Variants in GABRB3 observed in about 807,000 individuals in gnomAD.
GABRB3 encodes gamma-aminobutyric acid type A receptor subunit beta3, also known as gamma-aminobutyric acid receptor subunit beta-3.
GABRB3 carries 14 observed loss-of-function variants against 52.1 expected under a neutral mutation model. That is an observed-to-expected ratio of 0.27 (90% CI 0.18 to 0.42). The LOEUF is 0.42. Ranked by LOEUF, GABRB3 falls within the 10% of genes least tolerant of loss-of-function variation. The pLI is 1.00. For missense variants in GABRB3, 307 were observed against 609.1 expected (o/e 0.50, Z 5.22); for synonymous variants, 260 against 232.3 (o/e 1.12, Z -1.08).
intron 3 of GABRB3, among the ~76,000 whole-genome samples, chr15:26,627,148 C>T (rs1177480078): frequency 5.9e-5 from 9 of 151,980 alleles, no homozygotes; most frequent in African/African-American, 2.2e-4. Context: ...AACAATAAAA[C>T]CTGGGTGTCA....
At chr15:26,691,766 GAGAAAACAA>G (rs1056265973) in intron 3 of GABRB3, among the ~76,000 whole-genome samples, 73 of 151,504 alleles carry the variant, frequency 4.8e-4, no homozygotes, top group African/African-American at 1.3e-3. Context: ...TCAACAAGTT[GAGAAAACAA>G]AGAAAACAAA....
chr15:26,696,002 C>G (rs1384150499), intron 3 of GABRB3, among the ~76,000 whole-genome samples: 2 of 152,180 alleles, frequency 1.3e-5, no homozygotes, highest in Non-Finnish European at 2.9e-5. Flanking sequence ...GTAAATTCTA[C>G]ATGGGGAACC....
chr15:26,739,686 T>C (rs1189523598), intron 3 of GABRB3, among the ~76,000 whole-genome samples: 1 of 152,156 alleles, frequency 6.6e-6, no homozygotes, highest in Non-Finnish European at 1.5e-5. Context: ...AAAAGATTTT[T>C]ATTGATACAT....
intron 4 of GABRB3, among the ~76,000 whole-genome samples, chr15:26,596,032 C>T (rs1250648063): frequency 6.6e-6 from 1 of 152,076 alleles, no homozygotes; most frequent in East Asian, 1.9e-4. Flanking sequence ...TTTAGCCTCT[C>T]AGCTTCCTCA....
chr15:26,625,488 T>A lies in GABRB3; in HGVS notation c.241-3954A>T. 5 of 985,278 alleles carry A rather than the reference T, an allele frequency of 5.1e-6. 1 individual carries two copies. In the South Asian group the frequency reaches 2.3e-4, roughly 46 times the overall value. 61.0% of individuals were successfully genotyped at this position (985,278 alleles called of 1,614,324 possible). On this transcript the variant is annotated intron_variant, in intron 3 of 8. Coordinates refer to ENST00000311550, the MANE Select transcript of GABRB3 (RefSeq NM_000814.6). ...AGAGCACAGTCACAAAGAGATGGAA[T>A]TTGCATGGGATGGAGAGTCTGTCAG...
chr15:26,570,407 G>C (rs149451335), intron 6 of GABRB3, among the ~76,000 whole-genome samples: 2 of 152,158 alleles, frequency 1.3e-5, no homozygotes, highest in Non-Finnish European at 2.9e-5. Context: ...CCCTCCTCGC[G>C]GGCCTCGCCC....
intron 3 of GABRB3, among the ~76,000 whole-genome samples, chr15:26,660,087 A>G (rs1887492574): frequency 2.0e-5 from 3 of 152,020 alleles, no homozygotes; most frequent in Non-Finnish European, 4.4e-5. Context: ...AAAATTAGCC[A>G]GGCATGGTGG....
intron 4 of GABRB3, among the ~76,000 whole-genome samples, chr15:26,595,341 G>A (rs998815817): frequency 6.6e-6 from 1 of 152,122 alleles, no homozygotes; most frequent in African/African-American, 2.4e-5. Context: ...TGCTCCCTCT[G>A]GTAGGAGAGG....
intron 3 of GABRB3, chr15:26,624,360 CT>C: frequency 1.0e-6 from 1 of 985,494 alleles, no homozygotes; most frequent in Non-Finnish European, 1.2e-6. Flanking sequence ...TCACTTGTTT[CT>C]TTCTTTACTC....
intron 3 of GABRB3, among the ~76,000 whole-genome samples, chr15:26,648,875 G>A (rs1887101290): frequency 6.6e-6 from 1 of 152,166 alleles, no homozygotes; most frequent in African/African-American, 2.4e-5. Context: ...GGTGCCTTCA[G>A]AATGTGGATG....
chr15:26,589,412 G>C (rs1891110201), intron 4 of GABRB3, among the ~76,000 whole-genome samples: 1 of 152,160 alleles, frequency 6.6e-6, no homozygotes, highest in African/African-American at 2.4e-5. Flanking sequence ...TTCATGCTTA[G>C]AGTGAATCCA....
intron 7 of GABRB3, 113 bp from the exon 8 acceptor site, chr15:26,561,289 G>A (rs1279396236): frequency 6.9e-7 from 1 of 1,443,570 alleles, no homozygotes; most frequent in African/African-American, 1.4e-5. Flanking sequence ...ATAAGGGGTT[G>A]AATACTGTGG....
At chr15:26,683,030 C>A (rs1888287681) in intron 3 of GABRB3, among the ~76,000 whole-genome samples, 1 of 152,120 alleles carries the variant, frequency 6.6e-6, no homozygotes, top group African/African-American at 2.4e-5. Flanking sequence ...GTTCTAGGAA[C>A]AAACTCAGGG....
At chr15:26,629,311 G>A in intron 3 of GABRB3, 1 of 704,356 alleles carries the variant, frequency 1.4e-6, no homozygotes, top group Non-Finnish European at 2.1e-6. Context: ...CGGAAAAGGC[G>A]TGGCCCAGCT....
At chr15:26,554,191 C>CTATA (rs1491384985) in intron 8 of GABRB3, among the ~76,000 whole-genome samples, 3 of 15,586 alleles carry the variant, frequency 1.9e-4, no homozygotes, top group South Asian at 4.6e-3. Flanking sequence ...TATATATATA[C>CTATA]TATATATATA....
At chr15:26,648,744 C>G (rs142520264) in intron 3 of GABRB3, among the ~76,000 whole-genome samples, 1 of 152,134 alleles carries the variant, frequency 6.6e-6, no homozygotes, top group Non-Finnish European at 1.5e-5. Context: ...CCCAAGGGTG[C>G]GTCAGCAGGG....
intron 3 of GABRB3, among the ~76,000 whole-genome samples, chr15:26,643,612 T>C (rs1263119652): frequency 1.5e-5 from 2 of 135,400 alleles, no homozygotes; most frequent in East Asian, 2.7e-4. Context: ...GCACCCCAGC[T>C]TTCATGACAC....
At chr15:26,667,111 C>A (rs1887739518) in intron 3 of GABRB3, among the ~76,000 whole-genome samples, 2 of 152,336 alleles carry the variant, frequency 1.3e-5, no homozygotes, top group South Asian at 2.1e-4. Flanking sequence ...AATATCACCT[C>A]GCTTCGGTCC....
At chr15:26,677,833 T>C (rs1007828672) in intron 3 of GABRB3, among the ~76,000 whole-genome samples, 2 of 152,148 alleles carry the variant, frequency 1.3e-5, no homozygotes, top group Non-Finnish European at 2.9e-5. Context: ...AATTTGTAAA[T>C]CAGGGAACTA....
Sources: gnomAD v4.1 joint callset for allele counts (sites outside exome capture counted in the v4.1 genomes callset) on GRCh38, gnomAD v4.1.1 for gene constraint, MANE v1.5 for transcripts, NCBI Gene and HGNC (gene_info 2026-07-23, HGNC 2026-07-21) for gene names.